Variants in LRRC17 observed in about 807,000 individuals in gnomAD.
The protein encoded by LRRC17 is leucine-rich repeat-containing protein 17.
A neutral mutation model predicts 41.5 loss-of-function variants in LRRC17; 33 were observed. The observed-to-expected ratio is 0.80, with a 90% CI of 0.60 to 1.06. The LOEUF is 1.06. Among genes scored for constraint, LRRC17 ranks in the 50% least tolerant of loss-of-function variants. The pLI is 0.00. For synonymous variants in LRRC17, 192 were observed against 197.0 expected (o/e 0.97, Z 0.21); for missense variants, 491 against 519.3 (o/e 0.95, Z 0.53).
intron 2 of LRRC17, among the ~76,000 whole-genome samples, chr7:102,937,035 T>C (rs980396426): frequency 8.5e-5 from 13 of 152,196 alleles, no homozygotes; most frequent in African/African-American, 2.9e-4. Context: ...AAATGCCCCA[T>C]AAATTCATAC....
At chr7:102,920,493 G>A (rs985888385) in intron 1 of LRRC17, among the ~76,000 whole-genome samples, 1 of 151,908 alleles carries the variant, frequency 6.6e-6, no homozygotes, top group African/African-American at 2.4e-5. Flanking sequence ...GGGACTACAG[G>A]TGCATGCCAC....
intron 1 of LRRC17, among the ~76,000 whole-genome samples, chr7:102,928,391 T>C (rs1818529729): frequency 6.6e-6 from 1 of 152,248 alleles, no homozygotes; most frequent in Non-Finnish European, 1.5e-5. Flanking sequence ...GAATGTAATA[T>C]ATTTCATAGG....
chr7:102,944,658 T>TG lies in LRRC17; in HGVS notation c.*51_*52insG, dbSNP rs1473161612. On this transcript the variant is annotated 3_prime_UTR_variant, in exon 4 of 4. Transcript: ENST00000339431. ...AGTTTTGTATTTTCTATACTGGTGT[T>TG]AGAAAACATATGTTTACATTTGATT... 6.8e-6 allele frequency: 10 copies of TG among 1,464,628 alleles called. No individual in the cohort carries two copies. Among genetic ancestry groups the TG allele is most frequent in the Non-Finnish European group, 7.3e-6 (8 of 1,089,540 alleles). The allele number at this position is 1,464,628 out of a possible 1,614,324, so 90.7% of individuals were successfully genotyped here.
Position 102,939,292 on chromosome 7 carries a change from TACTA to T in LRRC17, c.773-134_773-131del, listed in dbSNP as rs1036196358. Reference sequence around the variant, plus strand: ...TTAGCGTATGCTAAGGCTTGTTTCATACTAACTTTCTTTGGCTTTAGATATCCCT... The same window carrying T: ...TTAGCGTATGCTAAGGCTTGTTTCATACTTTCTTTGGCTTTAGATATCCCT... On this transcript the variant is annotated intron_variant, in intron 2 of 3. Transcript: ENST00000339431. The T allele has an allele frequency of 2.4e-5, 16 of 663,822 alleles. No homozygotes were observed. The Admixed American group carries it at 2.7e-4, about 11-fold the overall frequency. 41.1% of individuals were successfully genotyped at this position (663,822 alleles called of 1,614,324 possible).
intron 1 of LRRC17, among the ~76,000 whole-genome samples, chr7:102,932,884 C>T (rs1204219631): frequency 6.6e-6 from 1 of 152,148 alleles, no homozygotes; most frequent in Non-Finnish European, 1.5e-5. Flanking sequence ...CATGAGCCAC[C>T]GCACCTGGCC....
intron 1 of LRRC17, among the ~76,000 whole-genome samples, chr7:102,929,418 T>C (rs939769522): frequency 2.0e-5 from 3 of 152,090 alleles, no homozygotes; most frequent in Non-Finnish European, 4.4e-5. Context: ...TCCCAGCACT[T>C]TGGGAGGCCG....
chr7:102,933,986 A>G lies in LRRC17; in HGVS notation c.73A>G (p.Ser25Gly), dbSNP rs1350231093. 1 of 1,614,046 alleles carries G rather than the reference A, an allele frequency of 6.2e-7. No individual in the cohort carries two copies. Among genetic ancestry groups the G allele is most frequent in the African/African-American group, 1.3e-5 (1 of 74,936 alleles). ...AAELRKASPGSVRSRVNHGRA... is the reference protein window; with the variant it reads ...AAELRKASPGGVRSRVNHGRA... Reference sequence around the variant, plus strand: ...TGAGCTGCGCAAAGCAAGCCCAGGCAGTGTGAGAAGCCGAGTGAATCATGG... The same window carrying G: ...TGAGCTGCGCAAAGCAAGCCCAGGCGGTGTGAGAAGCCGAGTGAATCATGG... Residue 25 changes from serine (S) to glycine (G), a missense_variant, in exon 2 of 4, where the codon AGT (serine) becomes GGT (glycine). Ser to Gly is a moderately conservative substitution (Grantham distance 56). Coordinates refer to ENST00000339431, the MANE Select transcript of LRRC17 (RefSeq NM_001031692.3).
chr7:102,917,579 G>C (rs192570219), intron 1 of LRRC17, among the ~76,000 whole-genome samples: 2 of 152,312 alleles, frequency 1.3e-5, no homozygotes, highest in East Asian at 3.9e-4. Flanking sequence ...TGCAGCTATA[G>C]AGAATGTGAA....
chr7:102,913,893 C>G (rs749902030), intron 1 of LRRC17, among the ~76,000 whole-genome samples: 66 of 152,282 alleles, frequency 4.3e-4, no homozygotes, highest in Non-Finnish European at 7.6e-4. Context: ...AAAGCAACAT[C>G]AGAGACTATA....
chr7:102,926,380 T>G (rs367714594), intron 1 of LRRC17: 1 of 1,609,716 alleles, frequency 6.2e-7, no homozygotes, highest in Non-Finnish European at 8.5e-7. Flanking sequence ...TCATCCTGCA[T>G]GAAAAACAGA....
chr7:102,915,142 T>TC (rs10682903), intron 1 of LRRC17, among the ~76,000 whole-genome samples: 1 of 150,574 alleles, frequency 6.6e-6, no homozygotes, highest in African/African-American at 2.4e-5. Flanking sequence ...TTTTTTTTTT[T>TC]ACACTGATCA....
In LRRC17 at chr7:102,944,681, A is replaced by G; in HGVS notation, c.*74A>G. The G allele has an allele frequency of 7.4e-7, 1 of 1,347,554 alleles. No homozygotes were observed. Among genetic ancestry groups the G allele is most frequent in the Admixed American group, 2.4e-5 (1 of 41,936 alleles). 83.5% of individuals were successfully genotyped at this position (1,347,554 alleles called of 1,614,324 possible). ...GTTAGAAAACATATGTTTACATTTG[A>G]TTAACTGTGTTGCCTATTTATGCAG... On this transcript the variant is annotated 3_prime_UTR_variant, in exon 4 of 4. Coordinates refer to ENST00000339431, the MANE Select transcript of LRRC17 (RefSeq NM_001031692.3).
chr7:102,919,422 C>A (rs1355953681), intron 1 of LRRC17, among the ~76,000 whole-genome samples: 1 of 152,032 alleles, frequency 6.6e-6, no homozygotes, highest in African/African-American at 2.4e-5. Context: ...TGCATTGAAG[C>A]ATTAAGAATA....
At position 102,944,546 on chromosome 7, in the gene LRRC17, A is replaced by C. The variant is rs763403763; in HGVS notation, c.1265A>C (p.Glu422Ala). ...CAAGACACAGAAGATGATGAATGGG[A>C]AAAAAAACATAGAGATCACACCGCA... ...FDQDTEDDEW[E>A]KKHRDHTAKK... Residue 422 changes from glutamate to alanine, a missense_variant, in exon 4 of 4, where the codon GAA (glutamate) becomes GCA (alanine). Physicochemically the swap from Glu to Ala is moderately radical, Grantham distance 107. Transcript: ENST00000339431. 1 of 1,612,632 alleles carries C rather than the reference A, an allele frequency of 6.2e-7. No individual in the cohort carries two copies. Among genetic ancestry groups the C allele is most frequent in the Admixed American group, 1.7e-5 (1 of 59,782 alleles).
chr7:102,924,643 T>TTC (rs1488759581), intron 1 of LRRC17, among the ~76,000 whole-genome samples: 3 of 145,126 alleles, frequency 2.1e-5, no homozygotes, highest in Non-Finnish European at 4.6e-5. Flanking sequence ...AAGCTTTTCT[T>TTC]TTTTTTTTTT....
chr7:102,939,090 G>A (rs1002495052), intron 2 of LRRC17, among the ~76,000 whole-genome samples: 3 of 152,176 alleles, frequency 2.0e-5, no homozygotes. Context: ...CAGCAGATGT[G>A]GGTTCAATAA....
At chr7:102,928,016 G>A (rs1052117143) in intron 1 of LRRC17, among the ~76,000 whole-genome samples, 1 of 152,176 alleles carries the variant, frequency 6.6e-6, no homozygotes. Flanking sequence ...CAGCCACAAA[G>A]ATGAAAATGT....
chr7:102,935,139 C>T (rs755997805), intron 2 of LRRC17, among the ~76,000 whole-genome samples: 3 of 151,614 alleles, frequency 2.0e-5, no homozygotes, highest in Non-Finnish European at 4.4e-5. Flanking sequence ...TGTGAGAGCA[C>T]TCTGAGACAG....
intron 1 of LRRC17, among the ~76,000 whole-genome samples, chr7:102,921,013 G>C (rs951506980): frequency 6.6e-6 from 1 of 151,984 alleles, no homozygotes; most frequent in Non-Finnish European, 1.5e-5. Flanking sequence ...TTAGCCTGGC[G>C]TGGTGGCGGG....
Sources: allele counts gnomAD v4.1 joint callset (sites outside exome capture counted in the v4.1 genomes callset), GRCh38; gene constraint gnomAD v4.1.1; transcripts MANE v1.5; gene names NCBI Gene and HGNC (gene_info 2026-07-23, HGNC 2026-07-21).